CFAP91: variants seen among roughly 807,000 people sequenced by gnomAD.
The protein encoded by CFAP91 is cilia and flagella associated protein 91.
A neutral mutation model predicts 95.9 loss-of-function variants in CFAP91; 85 were observed. The ratio of observed to expected loss-of-function variants is 0.89; its 90% CI spans 0.74 to 1.06. The LOEUF is 1.06. Ranked by LOEUF, CFAP91 falls within the 50% of genes least tolerant of loss-of-function variation. CFAP91 has a pLI of 0.00. For missense variants in CFAP91, 962 were observed against 943.4 expected, an observed-to-expected ratio of 1.02 and a Z score of -0.26; for synonymous variants, 335 against 327.5, an observed-to-expected ratio of 1.02 and a Z score of -0.25.
At chr3:119,717,703 C>T (rs994786721) in intron 6 of CFAP91, among the ~76,000 whole-genome samples, 3 of 152,144 alleles carry the variant, frequency 2.0e-5, no homozygotes, top group African/African-American at 7.2e-5. Context: ...CACCCTGGCT[C>T]TGCTCTACAT....
At chr3:119,721,956 G>C (rs953037155) in intron 6 of CFAP91, among the ~76,000 whole-genome samples, 2 of 152,028 alleles carry the variant, frequency 1.3e-5, no homozygotes, top group African/African-American at 4.8e-5. Context: ...CAGGAGGATT[G>C]ATTGAGGCCA....
At chr3:119,747,082 C>T (rs1230474938) in intron 14 of CFAP91, 33 bp from the exon 15 acceptor site, 3 of 1,476,574 alleles carry the variant, frequency 2.0e-6, no homozygotes, top group African/African-American at 2.8e-5. Flanking sequence ...AACAGCATAC[C>T]TGTTTTAGTG....
chr3:119,709,244 A>G (rs1239269562), intron 4 of CFAP91, among the ~76,000 whole-genome samples: 2 of 152,342 alleles, frequency 1.3e-5, no homozygotes, highest in East Asian at 1.9e-4. Flanking sequence ...AGTTAGAAAA[A>G]ATAGTCTTGA....
chr3:119,753,828 A>AGTCCGCAC lies in CFAP91; in HGVS notation c.*1+2730_*1+2731insGTCCGCAC, dbSNP rs1171940784. Reference sequence around the variant, plus strand: ...TCATCCCCTTCCCACTCTTCCCCCCAAGTCCGCACAGTCCATTGTATCATT... The same window carrying AGTCCGCAC: ...TCATCCCCTTCCCACTCTTCCCCCCAGTCCGCACAGTCCGCACAGTCCATTGTATCATT... On this transcript the variant is annotated intron_variant, in intron 17 of 17. Transcript: ENST00000273390. Among the ~76,000 whole-genome samples the AGTCCGCAC allele has an allele frequency of 2.0e-4, 30 of 152,298 alleles. No homozygotes were observed. The East Asian group carries it at 2.3e-3, about 12-fold the overall frequency.
intron 10 of CFAP91, 140 bp downstream of exon 10, chr3:119,733,646 T>A (rs1383964024): frequency 2.4e-6 from 2 of 825,642 alleles, no homozygotes; most frequent in Non-Finnish European, 3.8e-6. Context: ...AGGTTGCCCA[T>A]GCTGTGCTGA....
chr3:119,761,606 A>G (rs1187079803), intron 17 of CFAP91, among the ~76,000 whole-genome samples: 1 of 151,872 alleles, frequency 6.6e-6, no homozygotes, highest in African/African-American at 2.4e-5. Flanking sequence ...AAAGTAACAA[A>G]CTAAATTCAA....
At chr3:119,705,735 T>C (rs180710930) in intron 1 of CFAP91, among the ~76,000 whole-genome samples, 287 of 152,306 alleles carry the variant, frequency 1.9e-3, no homozygotes, top group Middle Eastern at 0.017. Context: ...TTGTTTGTTG[T>C]CTCTCTCTCA....
intron 13 of CFAP91, among the ~76,000 whole-genome samples, chr3:119,743,306 C>T (rs568104721): frequency 5.1e-4 from 78 of 151,850 alleles, no homozygotes; most frequent in African/African-American, 1.8e-3. Flanking sequence ...TTAGTAAAGA[C>T]GGGGTTTCTC....
intron 6 of CFAP91, among the ~76,000 whole-genome samples, chr3:119,720,976 T>A (rs574612689): frequency 1.3e-4 from 20 of 152,146 alleles, no homozygotes; most frequent in African/African-American, 4.8e-4. Flanking sequence ...TAAAAAAAAA[T>A]AATTTCAACC....
chr3:119,718,936 TCTG>T (rs1386616727), intron 6 of CFAP91, among the ~76,000 whole-genome samples: 3 of 152,042 alleles, frequency 2.0e-5, no homozygotes, highest in Non-Finnish European at 4.4e-5. Context: ...AGCACATTAT[TCTG>T]CTAACGGAAA....
intron 4 of CFAP91, 24 bp from the exon 5 acceptor site, chr3:119,709,815 T>G: frequency 6.3e-7 from 1 of 1,584,500 alleles, no homozygotes; most frequent in Non-Finnish European, 8.7e-7. Context: ...GTCCCACACA[T>G]TTATGTTTTC....
At chr3:119,751,420 T>G (rs2054323703) in intron 17 of CFAP91, among the ~76,000 whole-genome samples, 1 of 152,164 alleles carries the variant, frequency 6.6e-6, no homozygotes, top group Admixed American at 6.5e-5. Context: ...AACAATCTTG[T>G]TCTTATGGAA....
rs761427636 is a variant in CFAP91 at position 119,703,119 on chromosome 3, CGAGGAGCCCCAG to C, written c.23_34del (p.Glu8_Gln11del). ...GCACCATGAGCCACGCAGTAACCAT[CGAGGAGCCCCAG>C]GCCCAGCCGCAGGTGTCTCAAACTC... On this transcript the variant is annotated inframe_deletion, in exon 1 of 18. Transcript: ENST00000273390. The C allele has an allele frequency of 1.3e-6, 2 of 1,564,060 alleles. No homozygotes were observed.
intron 6 of CFAP91, among the ~76,000 whole-genome samples, chr3:119,721,843 C>G (rs4688030): frequency 0.7 from 105,692 of 152,036 alleles, 36,867 homozygotes; most frequent in African/African-American, 0.76. Flanking sequence ...AGTCAACATA[C>G]ATCAGTCGCT....
intron 17 of CFAP91, among the ~76,000 whole-genome samples, chr3:119,762,426 A>C (rs866377186): frequency 6.6e-6 from 1 of 152,116 alleles, no homozygotes; most frequent in Non-Finnish European, 1.5e-5. Context: ...CAATCTACAG[A>C]TTCAATGCAA....
intron 17 of CFAP91, among the ~76,000 whole-genome samples, chr3:119,751,646 A>G (rs1394219397): frequency 6.6e-6 from 1 of 152,216 alleles, no homozygotes; most frequent in African/African-American, 2.4e-5. Context: ...CCAGCAAGGC[A>G]ACATCAGACA....
chr3:119,712,111 C>A lies in CFAP91; in HGVS notation c.500+2216C>A, dbSNP rs116178199. On this transcript the variant is annotated intron_variant, in intron 5 of 17. Transcript: ENST00000273390. ...CAGCAGGGGTCAGGCCAGCATGGAG[C>A]AGATGTGGGACCTTTCTGAGTTTGG... Among the ~76,000 whole-genome samples, 707 of 152,256 alleles carry A rather than the reference C, an allele frequency of 4.6e-3. 4 individuals carry two copies. Among genetic ancestry groups the A allele is most frequent in the African/African-American group, 0.016 (659 of 41,540 alleles).
chr3:119,709,835 C>T lies in CFAP91; in HGVS notation c.444-4C>T. On this transcript the variant is annotated splice_region_variant and splice_polypyrimidine_tract_variant and intron_variant, in intron 4 of 17. Coordinates refer to ENST00000273390, the MANE Select transcript of CFAP91 (RefSeq NM_033364.4). ...ACACATTTATGTTTTCTTTTTCCTC[C>T]CAGGCCTTTTCTCCCATTTTTTCAG... 18 of 1,609,284 alleles carry T rather than the reference C, an allele frequency of 1.1e-5. No homozygotes were observed. The highest frequency in any genetic ancestry group is 1.5e-5 in the Non-Finnish European group (18 of 1,175,808).
At chr3:119,722,328 A>G (rs1164388112) in intron 6 of CFAP91, among the ~76,000 whole-genome samples, 1 of 152,064 alleles carries the variant, frequency 6.6e-6, no homozygotes, top group Non-Finnish European at 1.5e-5. Flanking sequence ...GCATGGTGGC[A>G]TATGCCTGTA....
Sources: allele counts gnomAD v4.1 joint callset (sites outside exome capture counted in the v4.1 genomes callset), GRCh38; gene constraint gnomAD v4.1.1; transcripts MANE v1.5; gene names NCBI Gene and HGNC (gene_info 2026-07-23, HGNC 2026-07-21).